Variants in TMEM71 observed in about 807,000 individuals in gnomAD.
The protein encoded by TMEM71 is transmembrane protein 71.
In TMEM71, 44 loss-of-function variants were observed where a neutral mutation model predicts 38.0. That is an observed-to-expected ratio of 1.16 (90% CI 0.91 to 1.49). The LOEUF (loss-of-function observed/expected upper bound fraction) is 1.49, where lower values mean the gene tolerates loss of function less well. Among genes scored for constraint, TMEM71 ranks in the 40% most tolerant of loss-of-function variants. The probability of loss-of-function intolerance (pLI) is 0.00; values close to 1 mark genes in which losing one functional copy is unlikely to be tolerated. For missense variants in TMEM71, 367 were observed against 348.6 expected, an observed-to-expected ratio of 1.05 and a Z score of -0.42; for synonymous variants, 133 against 122.5, an observed-to-expected ratio of 1.09 and a Z score of -0.56.
At chr8:132,722,622 T>C (rs1175438199) in intron 6 of TMEM71, among the ~76,000 whole-genome samples, 1 of 152,208 alleles carries the variant, frequency 6.6e-6, no homozygotes, top group Non-Finnish European at 1.5e-5. Flanking sequence ...CAAGGTCACA[T>C]AGCTATGAGG....
Position 132,710,939 on chromosome 8 carries a change from A to T in TMEM71, c.*28T>A. The T allele has an allele frequency of 6.2e-7, 1 of 1,606,204 alleles. No individual in the cohort carries two copies. The highest frequency in any genetic ancestry group is 8.5e-7 in the Non-Finnish European group (1 of 1,174,184). ...ATTTCCAGATATTCAGATGGAGGAC[A>T]TTCATCGAAGGCATTCCTAAATGGT... is the stretch of plus-strand genomic sequence containing the variant. On this transcript the variant is annotated 3_prime_UTR_variant, in exon 10 of 10. Coordinates refer to ENST00000677595, the MANE Select transcript of TMEM71 (RefSeq NM_001382403.1).
chr8:132,751,122 TTATCTATA>T (rs1404751484), intron 4 of TMEM71, among the ~76,000 whole-genome samples: 1 of 152,174 alleles, frequency 6.6e-6, no homozygotes, highest in African/African-American at 2.4e-5. Flanking sequence ...TGCTCCCTCT[TTATCTATA>T]GAGTACTGCT....
upstream of TMEM71, among the ~76,000 whole-genome samples, chr8:132,761,272 G>A (rs1172915472): frequency 6.6e-6 from 1 of 151,972 alleles, no homozygotes; most frequent in Non-Finnish European, 1.5e-5. Flanking sequence ...AATTCAACCT[G>A]TCTACCATCC....
rs1329164368 is a variant in TMEM71, at chr8:132,758,686, A to G, written c.40+154T>C. ...CTTTCAAGGAAAAAAATGAAGTTAA[A>G]ATCATTGCCAAAGTGAACACTGGCA... On this transcript the variant is annotated intron_variant, in intron 2 of 9. Coordinates refer to ENST00000677595, the MANE Select transcript of TMEM71 (RefSeq NM_001382403.1). The G allele has an allele frequency of 4.7e-6, 3 of 638,146 alleles. No homozygotes were observed. The African/African-American group carries it at 5.6e-5, about 12-fold the overall frequency. 39.5% of individuals were successfully genotyped at this position (638,146 alleles called of 1,614,324 possible).
At chr8:132,725,998 A>G (rs1259341813) in intron 6 of TMEM71, among the ~76,000 whole-genome samples, 1 of 152,240 alleles carries the variant, frequency 6.6e-6, no homozygotes, top group Non-Finnish European at 1.5e-5. Context: ...TTGGTCCACC[A>G]GTAATGAAGC....
chr8:132,749,806 G>T (rs1044856698), intron 4 of TMEM71, among the ~76,000 whole-genome samples: 11 of 152,102 alleles, frequency 7.2e-5, no homozygotes, highest in Middle Eastern at 3.4e-3. Context: ...ACAAGGTCAG[G>T]GGATCGAGAC....
In TMEM71 at chr8:132,751,884, T is replaced by C. The variant is rs74955300; in HGVS notation, c.215A>G (p.Tyr72Cys). The change falls in exon 4 of 10, where the codon TAC becomes TGC. Residue 72 changes from tyrosine to cysteine, a missense_variant. Physicochemically the swap from Tyr to Cys is radical, Grantham distance 194 (BLOSUM62 -2). Coordinates refer to ENST00000677595, the MANE Select transcript of TMEM71 (RefSeq NM_001382403.1). ...GAAGCTGTCTTCAGTCCAAATATAG[T>C]AGCCATTGGTGAGGAGTCTGGGACT... ...RRSPRLLTNG[Y>C]YIWTEDSFLC... 1 of 1,614,012 alleles carries C rather than the reference T, an allele frequency of 6.2e-7. No homozygotes were observed. The highest frequency in any genetic ancestry group is 8.5e-7 in the Non-Finnish European group (1 of 1,180,008).
upstream of TMEM71, among the ~76,000 whole-genome samples, chr8:132,762,563 T>G (rs1036485246): frequency 6.6e-6 from 1 of 152,206 alleles, no homozygotes; most frequent in East Asian, 1.9e-4. Context: ...GAGTGCTTAC[T>G]ATGTACCAGG....
chr8:132,765,409 G>T (rs1386602784), upstream of TMEM71, among the ~76,000 whole-genome samples: 1 of 152,174 alleles, frequency 6.6e-6, no homozygotes, highest in Non-Finnish European at 1.5e-5. Flanking sequence ...TAGAGGAGAG[G>T]GTGTGGCTCT....
chr8:132,712,347 G>A (rs1324169191), intron 9 of TMEM71, among the ~76,000 whole-genome samples: 1 of 152,108 alleles, frequency 6.6e-6, no homozygotes, highest in Non-Finnish European at 1.5e-5. Flanking sequence ...ATATTGTCCT[G>A]ATGTAATTTC....
At chr8:132,759,157 G>A (rs1477002907) in intron 1 of TMEM71, 2 of 317,168 alleles carry the variant, frequency 6.3e-6, no homozygotes, top group Non-Finnish European at 1.1e-5. Context: ...CTGTAAATAA[G>A]AACCACACTT....
the TMEM71 span, among the ~76,000 whole-genome samples, chr8:132,773,728 G>A: frequency 6.6e-6 from 1 of 152,056 alleles, no homozygotes; most frequent in Non-Finnish European, 1.5e-5. Context: ...TGGTAAAAGA[G>A]TTTTACTTGA....
intron 3 of TMEM71, among the ~76,000 whole-genome samples, chr8:132,752,868 GAA>G (rs1828800730): frequency 6.7e-6 from 1 of 149,698 alleles, no homozygotes; most frequent in Non-Finnish European, 1.5e-5. Flanking sequence ...AGGAAGGAAG[GAA>G]GGAAGGAAGG....
intron 1 of TMEM71, chr8:132,759,414 G>GGGT (rs1829207114): frequency 4.8e-5 from 1 of 20,906 alleles, no homozygotes. Flanking sequence ...GTCACAGAGA[G>GGGT]TGATTTTAAT....
intron 2 of TMEM71, 99 bp downstream of exon 2, chr8:132,758,741 T>C: frequency 1.0e-6 from 1 of 986,526 alleles, no homozygotes; most frequent in South Asian, 1.3e-5. Flanking sequence ...TGACAGATGG[T>C]TAATGGTCTG....
At chr8:132,715,752 A>G (rs572568268) in intron 7 of TMEM71, among the ~76,000 whole-genome samples, 48 of 152,368 alleles carry the variant, frequency 3.2e-4, no homozygotes, top group African/African-American at 1.2e-3. Flanking sequence ...TTCAGCAACA[A>G]AAAGGAATGA....
chr8:132,730,546 C>G (rs1298867553), intron 5 of TMEM71, among the ~76,000 whole-genome samples: 1 of 152,070 alleles, frequency 6.6e-6, no homozygotes, highest in African/African-American at 2.4e-5. Flanking sequence ...AGGATGTTAC[C>G]GTCTGGCTTT....
chr8:132,726,704 C>A lies in TMEM71; in HGVS notation c.676+1094G>T, dbSNP rs1433252007. On this transcript the variant is annotated intron_variant, in intron 6 of 9. Transcript: ENST00000677595. ...CCAAACATGCTTAATCTGACATTAGCAAACCAGAGACTAAGGGACATGCTT... is the reference window on the plus strand; with the variant it reads ...CCAAACATGCTTAATCTGACATTAGAAAACCAGAGACTAAGGGACATGCTT... Among the ~76,000 whole-genome samples the A allele has an allele frequency of 2.0e-5, 3 of 152,220 alleles. No individual in the cohort carries two copies. The East Asian group carries it at 5.8e-4, about 29-fold the overall frequency.
intron 1 of TMEM71, 27 bp from the exon 2 acceptor site, chr8:132,758,942 G>T: frequency 7.0e-7 from 1 of 1,438,498 alleles, no homozygotes; most frequent in Non-Finnish European, 9.8e-7. Flanking sequence ...AAAAAAGGTG[G>T]ACTATATATT....
Sources: gnomAD v4.1 joint callset for allele counts (sites outside exome capture counted in the v4.1 genomes callset) on GRCh38, gnomAD v4.1.1 for gene constraint, MANE v1.5 for transcripts, NCBI Gene and HGNC (gene_info 2026-07-23, HGNC 2026-07-21) for gene names.